The following RUNX1T1 variants were observed in gnomAD, a reference collection of about 807,000 sequenced individuals.
RUNX1T1 encodes RUNX1 partner transcriptional co-repressor 1, also known as protein CBFA2T1.
In RUNX1T1, 4 loss-of-function variants were observed where a neutral mutation model predicts 62.8. The observed-to-expected ratio is 0.06, with a 90% CI of 0.03 to 0.15. RUNX1T1 has a LOEUF of 0.15. Ranked by LOEUF, RUNX1T1 falls within the 10% of genes least tolerant of loss-of-function variation. The probability of loss-of-function intolerance (pLI) is 1.00; values close to 1 mark genes in which losing one functional copy is unlikely to be tolerated. For synonymous variants in RUNX1T1, 291 were observed against 286.0 expected (o/e 1.02, Z -0.18); for missense variants, 508 against 754.3 (o/e 0.67, Z 3.82).
At chr8:92,068,983 A>G (rs897254165) in intron 2 of RUNX1T1, among the ~76,000 whole-genome samples, 2 of 152,192 alleles carry the variant, frequency 1.3e-5, no homozygotes, top group Non-Finnish European at 2.9e-5. Context: ...AATTATAGTA[A>G]TAATCATCAT....
At chr8:91,995,778 C>A (rs1818543734) in intron 5 of RUNX1T1, among the ~76,000 whole-genome samples, 1 of 151,980 alleles carries the variant, frequency 6.6e-6, no homozygotes, top group South Asian at 2.1e-4. Flanking sequence ...CAGAGTGAGA[C>A]CCTGTCTCAA....
chr8:92,081,149 G>T, intron 1 of RUNX1T1: 1 of 302,444 alleles, frequency 3.3e-6, no homozygotes, highest in Non-Finnish European at 4.9e-6. Context: ...ACCTCTCTAA[G>T]CTTCAGATTT....
Position 91,960,351 on chromosome 8 carries a change from G to C in RUNX1T1, c.1625C>G (p.Ser542Cys), listed in dbSNP as rs765147644. ...CCCAGCCCCGCTGTTGGGCGTGACA[G>C]AGGAGCTGACTGCAGGTGTGTCTCC... Residue 542 changes from serine to cysteine, a missense_variant, in exon 11 of 11, where the codon TCT becomes TGT. Ser to Cys is a moderately radical substitution (Grantham distance 112). Transcript: ENST00000396218. The C allele has an allele frequency of 1.7e-5, 27 of 1,613,974 alleles. 1 individual carries two copies. The South Asian group carries it at 2.9e-4, about 17-fold the overall frequency.
At chr8:92,071,598 T>A (rs1833680516) in intron 2 of RUNX1T1, among the ~76,000 whole-genome samples, 1 of 152,014 alleles carries the variant, frequency 6.6e-6, no homozygotes, top group African/African-American at 2.4e-5. Context: ...CCAAACCCTC[T>A]TCCACACAAT....
intron 2 of RUNX1T1, among the ~76,000 whole-genome samples, chr8:92,016,672 C>T (rs565471470): frequency 3.9e-5 from 6 of 152,122 alleles, no homozygotes; most frequent in Middle Eastern, 6.8e-3. Context: ...GAGATTCTGT[C>T]CTCCCCCTCC....
intron 1 of RUNX1T1, among the ~76,000 whole-genome samples, chr8:92,034,777 C>T (rs1172401339): frequency 2.5e-5 from 3 of 119,010 alleles, no homozygotes; most frequent in African/African-American, 5.8e-5. Context: ...CATATATATA[C>T]ACATATATAT....
intron 8 of RUNX1T1, among the ~76,000 whole-genome samples, chr8:91,979,525 C>CA (rs1474364833): frequency 6.6e-6 from 1 of 151,578 alleles, no homozygotes; most frequent in Non-Finnish European, 1.5e-5. Context: ...TATATATATG[C>CA]AACTACTGAA....
chr8:91,984,566 A>G (rs1429302209), intron 8 of RUNX1T1, among the ~76,000 whole-genome samples: 1 of 152,184 alleles, frequency 6.6e-6, no homozygotes, highest in Admixed American at 6.5e-5. Context: ...TAAGTGCTCA[A>G]TAAATAAGTA....
intron 8 of RUNX1T1, among the ~76,000 whole-genome samples, chr8:91,985,613 G>A (rs1040575776): frequency 3.9e-5 from 6 of 151,912 alleles, no homozygotes; most frequent in Non-Finnish European, 8.8e-5. Context: ...TCCTGGAGGC[G>A]GGGGGTTGAG....
intron 1 of RUNX1T1, among the ~76,000 whole-genome samples, chr8:92,056,679 T>C (rs1004596209): frequency 6.6e-6 from 1 of 151,958 alleles, no homozygotes; most frequent in African/African-American, 2.4e-5. Context: ...AATGTACTCA[T>C]CTACTGGAAA....
At chr8:91,956,156 A>G, downstream of RUNX1T1, 1 of 230,290 alleles carries the variant, frequency 4.3e-6, no homozygotes, top group Non-Finnish European at 8.6e-6. Flanking sequence ...ACTCATTTCT[A>G]ATTTTATCAA....
chr8:91,975,114 C>A (rs73696988), intron 9 of RUNX1T1, among the ~76,000 whole-genome samples: 394 of 152,304 alleles, frequency 2.6e-3, no homozygotes, highest in African/African-American at 8.9e-3. Context: ...TTTTTCATGG[C>A]CTCTTTAACT....
exon 8 of RUNX1T1, chr8:91,986,275 G>A (rs1240572814): frequency 6.8e-6 from 11 of 1,613,848 alleles, no homozygotes; most frequent in Admixed American, 5.0e-5. Context: ...GCCTTAGTAC[G>A]GTGAGAGATC....
At chr8:92,062,778 C>T in exon 1 of RUNX1T1, 2 of 1,507,170 alleles carry the variant, frequency 1.3e-6, no homozygotes, top group Non-Finnish European at 1.8e-6. Context: ...TGGAGGATGA[C>T]AGGAGCACAT....
intron 1 of RUNX1T1, among the ~76,000 whole-genome samples, chr8:92,061,295 G>C (rs1284863514): frequency 1.3e-5 from 2 of 152,140 alleles, no homozygotes; most frequent in African/African-American, 4.8e-5. Flanking sequence ...AGATAAATGT[G>C]CTCAATATTC....
At chr8:91,982,950 C>CA (rs1815706710) in intron 8 of RUNX1T1, among the ~76,000 whole-genome samples, 1 of 100,190 alleles carries the variant, frequency 1.0e-5, no homozygotes. Context: ...TTTTTGGAGA[C>CA]AGAGTCTTGC....
chr8:92,007,329 T>C lies in RUNX1T1; in HGVS notation c.478-2032A>G, dbSNP rs140748061. Reference sequence around the variant, plus strand: ...AAAAACACAAACAATTAGCTGGGTGTGGTGGCACGCACCTGTAATCCCAGC... The same window carrying C: ...AAAAACACAAACAATTAGCTGGGTGCGGTGGCACGCACCTGTAATCCCAGC... On this transcript the variant is annotated intron_variant, in intron 4 of 10. Coordinates refer to ENST00000396218, the Ensembl canonical transcript of RUNX1T1. Among the ~76,000 whole-genome samples the C allele has an allele frequency of 1.4e-3, 211 of 151,908 alleles. 1 individual carries two copies. The highest frequency in any genetic ancestry group is 4.9e-3 in the African/African-American group (205 of 41,438).
chr8:91,979,167 C>T (rs1814635862), intron 8 of RUNX1T1, among the ~76,000 whole-genome samples: 1 of 152,160 alleles, frequency 6.6e-6, no homozygotes, highest in Non-Finnish European at 1.5e-5. Flanking sequence ...ATAAACACTA[C>T]TTTAATAGAT....
chr8:92,020,144 GGATGGAGATA>G (rs1388703952), intron 1 of RUNX1T1, among the ~76,000 whole-genome samples: 7 of 152,174 alleles, frequency 4.6e-5, no homozygotes, highest in Non-Finnish European at 1.5e-5. Flanking sequence ...AATCAATCCA[GGATGGAGATA>G]GATGGTGAAA....
Sources: gnomAD v4.1 joint callset for allele counts (sites outside exome capture counted in the v4.1 genomes callset) on GRCh38, gnomAD v4.1.1 for gene constraint, MANE v1.5 for transcripts, NCBI Gene and HGNC (gene_info 2026-07-23, HGNC 2026-07-21) for gene names.